Variants in POU3F3 observed in about 807,000 individuals in gnomAD.
POU3F3 encodes the protein POU domain, class 3, transcription factor 3.
A neutral mutation model predicts 8.6 loss-of-function variants in POU3F3; 1 was observed. The ratio of observed to expected loss-of-function variants is 0.12; its 90% CI spans 0.04 to 0.55. The LOEUF is 0.55. POU3F3 is among the 20% of genes least tolerant of loss of function. The pLI, the probability that POU3F3 is intolerant of heterozygous loss-of-function variation, is 0.91. For missense variants in POU3F3, 577 were observed against 690.7 expected (o/e 0.84, Z 1.84); for synonymous variants, 418 against 327.4 (o/e 1.28, Z -2.99).
the POU3F3 span, chr2:104,865,459 G>A: frequency 6.6e-6 from 1 of 152,210 alleles, no homozygotes; most frequent in Non-Finnish European, 1.5e-5. Flanking sequence ...AATGGACATT[G>A]AGATGGAAGC....
At chr2:104,884,755 C>T in the POU3F3 span, among the ~76,000 whole-genome samples, 8 of 152,106 alleles carry the variant, frequency 5.3e-5, no homozygotes, top group African/African-American at 1.7e-4. Flanking sequence ...AGCACCAAGC[C>T]CCATTGTGGG....
chr2:104,916,373 A>G, the POU3F3 span, among the ~76,000 whole-genome samples: 1 of 152,166 alleles, frequency 6.6e-6, no homozygotes, highest in South Asian at 2.1e-4. Context: ...CCAATGCTTA[A>G]CAGATTATTA....
At chr2:104,867,351 G>C in the POU3F3 span, 1 of 152,388 alleles carries the variant, frequency 6.6e-6, no homozygotes, top group African/African-American at 2.4e-5. This position sits in a 1 kb window ranked among gnomAD's most constrained non-coding sequence, Gnocchi z 5.0. Flanking sequence ...GCCCGGGAGG[G>C]GGAGCTGCTG....
chr2:104,881,911 A>C, the POU3F3 span, among the ~76,000 whole-genome samples: 11 of 151,992 alleles, frequency 7.2e-5, no homozygotes, highest in African/African-American at 2.4e-4. Flanking sequence ...CATCGTTCCC[A>C]CTCCACCGCA....
the POU3F3 span, among the ~76,000 whole-genome samples, chr2:104,918,059 A>T: frequency 6.6e-6 from 1 of 152,226 alleles, no homozygotes; most frequent in Admixed American, 6.5e-5. Flanking sequence ...TTCTGATTAT[A>T]GCATAAGAAT....
the POU3F3 span, among the ~76,000 whole-genome samples, chr2:104,872,073 G>GACAC: frequency 4.2e-4 from 63 of 150,040 alleles, no homozygotes; most frequent in African/African-American, 1.4e-3. The surrounding 1 kb of genome is among the most constrained non-coding windows in gnomAD (Gnocchi z 4.6). Flanking sequence ...CACACACACA[G>GACAC]ACACACACAC....
chr2:104,917,067 G>C, the POU3F3 span, among the ~76,000 whole-genome samples: 1 of 152,294 alleles, frequency 6.6e-6, no homozygotes, highest in African/African-American at 2.4e-5. Context: ...TCTGCCCTCA[G>C]TCACCGGTGC....
chr2:104,900,260 T>C, the POU3F3 span, among the ~76,000 whole-genome samples: 2 of 152,202 alleles, frequency 1.3e-5, no homozygotes, highest in African/African-American at 4.8e-5. Context: ...ACACTGCGCA[T>C]GGTTAGATGA....
the POU3F3 span, among the ~76,000 whole-genome samples, chr2:104,904,730 G>T: frequency 6.6e-6 from 1 of 152,124 alleles, no homozygotes; most frequent in East Asian, 1.9e-4. Context: ...TCCTTTACAC[G>T]TCTCATGTAT....
chr2:104,887,323 G>C, the POU3F3 span, among the ~76,000 whole-genome samples: 1 of 152,184 alleles, frequency 6.6e-6, no homozygotes, highest in Non-Finnish European at 1.5e-5. Context: ...CAGCCCAGTA[G>C]GTTTCAGCCT....
At chr2:104,910,300 C>T in the POU3F3 span, among the ~76,000 whole-genome samples, 4 of 152,098 alleles carry the variant, frequency 2.6e-5, no homozygotes, top group East Asian at 1.9e-4. Flanking sequence ...CAACAGTGAT[C>T]GTTACAGCTC....
At chr2:104,911,823 AGG>A in the POU3F3 span, among the ~76,000 whole-genome samples, 1 of 152,018 alleles carries the variant, frequency 6.6e-6, no homozygotes, top group Admixed American at 6.6e-5. Context: ...CGAGAGAGAG[AGG>A]GAGAGAGAGA....
At chr2:104,890,283 A>G in the POU3F3 span, among the ~76,000 whole-genome samples, 1 of 152,080 alleles carries the variant, frequency 6.6e-6, no homozygotes, top group Non-Finnish European at 1.5e-5. Context: ...GCAGGACTCC[A>G]TCTCACTTTG....
the POU3F3 span, among the ~76,000 whole-genome samples, chr2:104,879,713 T>C: frequency 3.3e-5 from 5 of 152,252 alleles, no homozygotes; most frequent in South Asian, 2.1e-4. Context: ...GTGGCCTCTC[T>C]CTTTGTTTCA....
the POU3F3 span, among the ~76,000 whole-genome samples, chr2:104,919,124 G>A: frequency 6.6e-6 from 1 of 152,140 alleles, no homozygotes. Context: ...GCCCACCTCG[G>A]CCTCCCAAAG....
At chr2:104,872,073 GACACAC>G in the POU3F3 span, among the ~76,000 whole-genome samples, 1 of 149,940 alleles carries the variant, frequency 6.7e-6, no homozygotes, top group Non-Finnish European at 1.5e-5. This position sits in a 1 kb window ranked among gnomAD's most constrained non-coding sequence, Gnocchi z 4.6. Flanking sequence ...CACACACACA[GACACAC>G]ACACACACAC....
In POU3F3 at chr2:104,857,264, C is replaced by T. The variant is rs1676588354; in HGVS notation, c.*251C>T. Reference sequence around the variant, plus strand: ...CGGACCAAGGAGGCATTTTTGCAGTCCAAGGAAGGAGGGGCCAAAAAATAA... The same window carrying T: ...CGGACCAAGGAGGCATTTTTGCAGTTCAAGGAAGGAGGGGCCAAAAAATAA... On this transcript the variant is annotated 3_prime_UTR_variant, in exon 1 of 1. Coordinates refer to ENST00000361360, the MANE Select transcript of POU3F3 (RefSeq NM_006236.3). The T allele has an allele frequency of 4.2e-6, 1 of 240,256 alleles. No individual in the cohort carries two copies. The highest frequency in any genetic ancestry group is 6.8e-6 in the Non-Finnish European group (1 of 146,922). The allele number at this position is 240,256 out of a possible 1,614,324, so 14.9% of individuals were successfully genotyped here. A position where few individuals can be genotyped will look rare whatever the true frequency, so the allele number is the denominator to read the frequency against.
At chr2:104,868,825 T>C in the POU3F3 span, among the ~76,000 whole-genome samples, 6 of 152,238 alleles carry the variant, frequency 3.9e-5, no homozygotes, top group African/African-American at 1.2e-4. Context: ...CAACTGAATG[T>C]GTCTATGTCT....
chr2:104,906,927 C>T, the POU3F3 span, among the ~76,000 whole-genome samples: 1 of 152,122 alleles, frequency 6.6e-6, no homozygotes, highest in Non-Finnish European at 1.5e-5. Context: ...TTGCCTGGGC[C>T]ACAGCTTTCC....
Sources: allele counts gnomAD v4.1 joint callset (sites outside exome capture counted in the v4.1 genomes callset), GRCh38; gene constraint gnomAD v4.1.1; non-coding constraint Gnocchi (gnomAD v3.1); transcripts MANE v1.5; gene names NCBI Gene and HGNC (gene_info 2026-07-23, HGNC 2026-07-21).